MID2: variants seen among roughly 807,000 people sequenced by gnomAD.
The protein encoded by MID2 is midline 2, also known as probable E3 ubiquitin-protein ligase MID2.
In MID2, 13 loss-of-function variants were observed where a neutral mutation model predicts 46.1. The ratio of observed to expected loss-of-function variants is 0.28; its 90% confidence interval spans 0.18 to 0.45. The LOEUF is 0.45. MID2 is among the 20% of genes least tolerant of loss of function. The pLI is 1.00. For synonymous variants in MID2, 199 were observed against 212.3 expected, an observed-to-expected ratio of 0.94 and a Z score of 0.55; for missense variants, 431 against 575.4, an observed-to-expected ratio of 0.75 and a Z score of 2.57.
intron 3 of MID2, among the ~76,000 whole-genome samples, chrX:107,858,302 T>A (rs1321899339): frequency 8.9e-6 from 1 of 112,101 alleles, no homozygotes; most frequent in Non-Finnish European, 1.9e-5. Flanking sequence ...GCTTTGACCT[T>A]GCTATGATAA....
rs1931139627 is a variant in MID2, at chrX:107,833,564, GC to G, written c.5-7105del. 2.7e-5 allele frequency among the ~76,000 whole-genome samples: 3 copies of G among 109,371 alleles called. No individual in the cohort carries two copies. In the Admixed American group the frequency reaches 3.0e-4, roughly 11 times the overall value. The allele number at this position is 109,371 out of a possible 115,157, so 95.0% of individuals were successfully genotyped here. The stretch of plus-strand genomic sequence containing the variant: ...GAAGGTAGTGGGAGCTCAGATACAT[GC>G]TTTGCAGACCCGGAAGAAAAAAAAT... On this transcript the variant is annotated intron_variant, in intron 1 of 9. Coordinates refer to ENST00000262843, the MANE Select transcript of MID2 (RefSeq NM_012216.4).
intron 3 of MID2, among the ~76,000 whole-genome samples, chrX:107,885,452 C>T (rs1422023630): frequency 5.4e-5 from 6 of 110,927 alleles, no homozygotes. Flanking sequence ...GACATGAACT[C>T]ATCATTTTTT....
Position 107,887,306 on chromosome X carries a change from C to A in MID2, c.817-16652C>A, listed in dbSNP as rs139022010. On this transcript the variant is annotated intron_variant, in intron 3 of 9. Transcript: ENST00000262843. ...ATTTTGAGATACGTCCAATCAATGC[C>A]TAATTTCTTGAGAGTTTTTAGCATG... Among the ~76,000 whole-genome samples, 34 of 111,941 alleles carry A rather than the reference C, an allele frequency of 3.0e-4. No homozygotes were observed. In the East Asian group the frequency reaches 8.4e-3, roughly 28 times the overall value.
At chrX:107,828,118 C>T (rs1930996170) in intron 1 of MID2, among the ~76,000 whole-genome samples, 1 of 109,562 alleles carries the variant, frequency 9.1e-6, no homozygotes, top group Non-Finnish European at 1.9e-5. Flanking sequence ...TGTGGCACTT[C>T]CCCCCAGCTC....
chrX:107,826,066 T>C lies in MID2; in HGVS notation c.-361T>C, dbSNP rs1338832884. 3.4e-6 allele frequency: 1 copy of C among 294,052 alleles called. No homozygotes were observed. Among genetic ancestry groups the C allele is most frequent in the East Asian group, 4.8e-5 (1 of 20,832 alleles). The allele number at this position is 294,052 out of a possible 1,213,427, so 24.2% of individuals were successfully genotyped here. Reference sequence around the variant, plus strand: ...GCCTCCCTTTTGGAAGGGATTGCCTTTTTTTTCCTCTGCGGCGGCGGAAAT... The same window carrying C: ...GCCTCCCTTTTGGAAGGGATTGCCTCTTTTTTCCTCTGCGGCGGCGGAAAT... On this transcript the variant is annotated 5_prime_UTR_variant, in exon 1 of 10. Transcript: ENST00000262843.
intron 1 of MID2, among the ~76,000 whole-genome samples, chrX:107,829,091 C>T (rs1931034125): frequency 8.9e-6 from 1 of 111,881 alleles, no homozygotes; most frequent in Non-Finnish European, 1.9e-5. Flanking sequence ...GTTTCCCAGT[C>T]TGGTCTCAAA....
intron 7 of MID2, among the ~76,000 whole-genome samples, chrX:107,919,171 TAAC>T (rs1183647246): frequency 2.7e-5 from 3 of 111,533 alleles, no homozygotes; most frequent in Non-Finnish European, 5.6e-5. Context: ...TAGTAAATAA[TAAC>T]AACAATAATA....
intron 3 of MID2, among the ~76,000 whole-genome samples, chrX:107,876,401 T>C (rs1004739383): frequency 1.8e-5 from 2 of 111,382 alleles, no homozygotes; most frequent in African/African-American, 6.5e-5. Flanking sequence ...GATAGAGAGG[T>C]GTGCTTTACC....
rs1396444614 is a variant in MID2 at position 107,840,907 on chromosome X, A to G, written c.242A>G (p.Tyr81Cys). 3 of 1,209,123 alleles carry G rather than the reference A, an allele frequency of 2.5e-6. No homozygotes were observed. Among genetic ancestry groups the G allele is most frequent in the Non-Finnish European group, 3.4e-6 (3 of 894,870 alleles). The change falls in exon 2 of 10, where the codon TAT (tyrosine) becomes TGT (cysteine). Residue 81 changes from tyrosine to cysteine, a missense_variant. Tyr to Cys is a radical substitution (Grantham distance 194). Coordinates refer to ENST00000262843, the MANE Select transcript of MID2 (RefSeq NM_012216.4). ...ITAFQCPTCR[Y>C]VISLNHRGLD... ...GCTTTCCAGTGTCCTACCTGCAGGTATGTTATCTCGCTGAACCACCGGGGC... is the reference window on the plus strand; with the variant it reads ...GCTTTCCAGTGTCCTACCTGCAGGTGTGTTATCTCGCTGAACCACCGGGGC...
intron 2 of MID2, among the ~76,000 whole-genome samples, chrX:107,841,871 G>A (rs1421612993): frequency 2.7e-5 from 3 of 111,918 alleles, no homozygotes; most frequent in South Asian, 7.4e-4. Context: ...AGATTTTTGT[G>A]GAGGACATTA....
intron 6 of MID2, among the ~76,000 whole-genome samples, chrX:107,916,883 A>G (rs1214388849): frequency 8.9e-6 from 1 of 112,724 alleles, no homozygotes; most frequent in Non-Finnish European, 1.9e-5. Context: ...GCTCACGCCC[A>G]TAATCCCAGC....
At chrX:107,869,575 C>T (rs1932023882) in intron 3 of MID2, among the ~76,000 whole-genome samples, 1 of 111,249 alleles carries the variant, frequency 9.0e-6, no homozygotes, top group Non-Finnish European at 1.9e-5. Context: ...GATATGTCTT[C>T]CTATCCAGAA....
intron 1 of MID2, among the ~76,000 whole-genome samples, chrX:107,840,422 T>A (rs1931313642): frequency 8.9e-6 from 1 of 112,105 alleles, no homozygotes; most frequent in African/African-American, 3.2e-5. Flanking sequence ...TGTTAATCAG[T>A]CTATCAGGAT....
intron 3 of MID2, among the ~76,000 whole-genome samples, chrX:107,862,292 G>A (rs1407767921): frequency 9.0e-6 from 1 of 111,535 alleles, no homozygotes; most frequent in Non-Finnish European, 1.9e-5. Flanking sequence ...CCTGACCTCA[G>A]GACTTCCAAA....
Position 107,840,752 on chromosome X carries a change from C to A in MID2, c.87C>A (p.Thr29=). ...LKMETLESEL[T]CPICLELFED... Reference sequence around the variant, plus strand: ...TGGAAACACTGGAGTCTGAATTGACCTGTCCAATCTGCCTAGAGTTGTTTG... The same window carrying A: ...TGGAAACACTGGAGTCTGAATTGACATGTCCAATCTGCCTAGAGTTGTTTG... Residue 29 remains threonine, a synonymous_variant, in exon 2 of 10, where the codon ACC becomes ACA. Transcript: ENST00000262843. 8.3e-7 allele frequency: 1 copy of A among 1,209,515 alleles called. No homozygotes were observed. The highest frequency in any genetic ancestry group is 3.0e-5 in the East Asian group (1 of 33,745).
chrX:107,931,382 G>A lies in MID2; in HGVS notation c.*4309G>A, dbSNP rs981455589. 1.1e-4 allele frequency among the ~76,000 whole-genome samples: 12 copies of A among 111,958 alleles called. No individual in the cohort carries two copies. The highest frequency in any genetic ancestry group is 3.9e-4 in the African/African-American group (12 of 30,796). On this transcript the variant is annotated 3_prime_UTR_variant, in exon 10 of 10. Transcript: ENST00000262843. ...AGGTCAGACAAAACTGCCTTTTATG[G>A]TGTAGTCTGCCAGCTTCAGACATAT...
intron 4 of MID2, 143 bp from the exon 5 acceptor site, chrX:107,905,335 G>A (rs1323527456): frequency 4.2e-5 from 18 of 430,905 alleles, no homozygotes; most frequent in Non-Finnish European, 6.4e-5. Context: ...GAGAAGGTGA[G>A]TGGTTAGTAC....
chrX:107,908,323 T>C lies in MID2; in HGVS notation c.1073+2697T>C, dbSNP rs780745157. ...CTATTCGGGATTCCAATTACATGTA[T>C]ATTTGGCTGTCTGAAATTGTCCTAT... is the stretch of plus-strand genomic sequence containing the variant. On this transcript the variant is annotated intron_variant, in intron 5 of 9. Transcript: ENST00000262843. Among the ~76,000 whole-genome samples, 163 of 112,148 alleles carry C rather than the reference T, an allele frequency of 1.5e-3. 1 individual carries two copies. Among genetic ancestry groups the C allele is most frequent in the Non-Finnish European group, 2.2e-3 (118 of 53,245 alleles).
intron 3 of MID2, among the ~76,000 whole-genome samples, chrX:107,879,417 C>T (rs773512827): frequency 4.1e-4 from 46 of 112,197 alleles, no homozygotes; most frequent in Non-Finnish European, 7.7e-4. Flanking sequence ...CCAGACTCCT[C>T]TCCAAAGCAA....
Sources: allele counts gnomAD v4.1 joint callset (sites outside exome capture counted in the v4.1 genomes callset), GRCh38; gene constraint gnomAD v4.1.1; transcripts MANE v1.5; gene names NCBI Gene and HGNC (gene_info 2026-07-23, HGNC 2026-07-21).